MTMR2: variants seen among roughly 807,000 people sequenced by gnomAD.
MTMR2 encodes phosphatidylinositol-3,5-bisphosphate 3-phosphatase MTMR2.
MTMR2 carries 55 observed loss-of-function variants against 86.9 expected under a neutral mutation model. That is an observed-to-expected ratio of 0.63 (90% CI 0.51 to 0.79). The LOEUF (loss-of-function observed/expected upper bound fraction) is 0.79. Among genes scored for constraint, MTMR2 ranks in the 30% least tolerant of loss-of-function variants. The probability of loss-of-function intolerance (pLI) is 0.00; values close to 1 mark genes in which losing one functional copy is unlikely to be tolerated. For synonymous variants in MTMR2, 241 were observed against 266.8 expected, an observed-to-expected ratio of 0.90 and a Z score of 0.94; for missense variants, 659 against 772.3, an observed-to-expected ratio of 0.85 and a Z score of 1.74.
chr11:95,846,230 T>C (rs1029264123), intron 10 of MTMR2, among the ~76,000 whole-genome samples: 9 of 152,206 alleles, frequency 5.9e-5, no homozygotes, highest in Admixed American at 4.6e-4. Context: ...TTAGTTAAGA[T>C]TGATCAGGAA....
Position 95,849,838 on chromosome 11 carries a change from T to G in MTMR2, c.829A>C (p.Ser277Arg), listed in dbSNP as rs779257949. ...IPVLSWIHPE[S>R]QATITRCSQP... ...CTACACCGAGTGATTGTGGCTTGACTTTCAGGATGAATCCATGATAAAACC... is the reference window on the plus strand; with the variant it reads ...CTACACCGAGTGATTGTGGCTTGACGTTCAGGATGAATCCATGATAAAACC... Residue 277 changes from serine to arginine, a missense_variant, in exon 9 of 15, where the codon AGT (serine) becomes CGT (arginine). Physicochemically the swap from Ser to Arg is moderately radical, Grantham distance 110. Transcript: ENST00000346299. 1.9e-6 allele frequency: 3 copies of G among 1,614,132 alleles called. No individual in the cohort carries two copies. Among genetic ancestry groups the G allele is most frequent in the Admixed American group, 1.7e-5 (1 of 60,014 alleles).
chr11:95,835,369 ATC>A lies in MTMR2; in HGVS notation c.1851_1852del (p.Glu617AspfsTer3), dbSNP rs769866540. ...TGAGGATGAGGTTGATCGGTTAGAA[ATC>A]TCTCTCTGTAGTTCCTCTACTTTTT... On this transcript the variant is annotated frameshift_variant, in exon 15 of 15. Transcript: ENST00000346299. LOFTEE classifies it high-confidence loss of function. The A allele has an allele frequency of 2.5e-6, 4 of 1,613,012 alleles. No homozygotes were observed. The highest frequency in any genetic ancestry group is 2.2e-5 in the South Asian group (2 of 91,064).
chr11:95,902,775 T>C (rs914113520), intron 1 of MTMR2, among the ~76,000 whole-genome samples: 1 of 152,138 alleles, frequency 6.6e-6, no homozygotes, highest in African/African-American at 2.4e-5. Flanking sequence ...TTATTTTCTC[T>C]CCAATATTCC....
chr11:95,900,969 C>T (rs911962533), intron 1 of MTMR2, among the ~76,000 whole-genome samples: 2 of 152,146 alleles, frequency 1.3e-5, no homozygotes, highest in Non-Finnish European at 2.9e-5. Flanking sequence ...ATGCTATCAT[C>T]ACTACCTCCC....
intron 1 of MTMR2, among the ~76,000 whole-genome samples, chr11:95,912,312 T>C (rs905129453): frequency 6.6e-6 from 1 of 152,004 alleles, no homozygotes; most frequent in Non-Finnish European, 1.5e-5. Context: ...ACATAATAGA[T>C]AAGGTTCCTT....
chr11:95,854,746 G>A (rs986701803), intron 7 of MTMR2, among the ~76,000 whole-genome samples: 7 of 151,818 alleles, frequency 4.6e-5, no homozygotes, highest in Non-Finnish European at 5.9e-5. Context: ...GGTCACAGGT[G>A]TGAACCACTG....
intron 7 of MTMR2, among the ~76,000 whole-genome samples, chr11:95,851,895 TATC>T (rs986033934): frequency 1.5e-4 from 23 of 152,328 alleles, no homozygotes; most frequent in African/African-American, 4.8e-4. Flanking sequence ...TTAAAAAACA[TATC>T]AACTATTGAG....
At chr11:95,863,122 A>G (rs886405696) in intron 3 of MTMR2, among the ~76,000 whole-genome samples, 1 of 152,350 alleles carries the variant, frequency 6.6e-6, no homozygotes, top group African/African-American at 2.4e-5. Flanking sequence ...ATAATTTCCA[A>G]TACATGGTTT....
chr11:95,845,520 T>C (rs1863749402), intron 10 of MTMR2, among the ~76,000 whole-genome samples: 1 of 152,166 alleles, frequency 6.6e-6, no homozygotes, highest in Admixed American at 6.6e-5. Flanking sequence ...GATATAGCAA[T>C]TGAAGCCTTG....
intron 2 of MTMR2, among the ~76,000 whole-genome samples, chr11:95,885,073 T>C (rs1327655272): frequency 1.3e-5 from 2 of 152,076 alleles, no homozygotes; most frequent in Admixed American, 6.6e-5. Context: ...CTAATGGGGA[T>C]ACATTGAAAC....
chr11:95,892,694 A>G (rs935766899), intron 1 of MTMR2, among the ~76,000 whole-genome samples: 2 of 152,192 alleles, frequency 1.3e-5, no homozygotes, highest in African/African-American at 2.4e-5. Flanking sequence ...ACTCTGTCGC[A>G]TATGTTCATT....
At position 95,858,627 on chromosome 11, in the gene MTMR2, A is replaced by G; in HGVS notation, c.474T>C (p.Ile158=). The G allele has an allele frequency of 6.3e-7, 1 of 1,599,130 alleles. No individual in the cohort carries two copies. The highest frequency in any genetic ancestry group is 8.6e-7 in the Non-Finnish European group (1 of 1,166,814). The change falls in exon 6 of 15, where the codon ATT becomes ATC. Residue 158 remains isoleucine (I), a synonymous_variant. Coordinates refer to ENST00000346299, the MANE Select transcript of MTMR2 (RefSeq NM_016156.6). ...SYGLETVCKD[I]RNLRFAHKPE... is the part of the protein sequence containing the mutation. Reference sequence around the variant, plus strand: ...GTTTATGAGCAAATCGTAAATTCCTAATATCCTAGAAAAGATTTAGGAACC... The same window carrying G: ...GTTTATGAGCAAATCGTAAATTCCTGATATCCTAGAAAAGATTTAGGAACC...
intron 1 of MTMR2, among the ~76,000 whole-genome samples, chr11:95,914,516 A>G (rs1866629008): frequency 6.6e-6 from 1 of 152,154 alleles, no homozygotes; most frequent in Non-Finnish European, 1.5e-5. Context: ...CCTCTTAATC[A>G]TCAGGTAATG....
At chr11:95,885,671 T>A (rs933851022) in intron 2 of MTMR2, among the ~76,000 whole-genome samples, 2 of 152,052 alleles carry the variant, frequency 1.3e-5, no homozygotes, top group African/African-American at 2.4e-5. Flanking sequence ...CCATGCAGAA[T>A]TCAAAACATC....
At chr11:95,884,303 T>C (rs1180593755) in intron 2 of MTMR2, among the ~76,000 whole-genome samples, 1 of 152,214 alleles carries the variant, frequency 6.6e-6, no homozygotes, top group Non-Finnish European at 1.5e-5. Flanking sequence ...TAGCAAAGCA[T>C]TTCTCAAAGA....
intron 1 of MTMR2, among the ~76,000 whole-genome samples, chr11:95,889,212 C>A (rs373855823): frequency 3.1e-4 from 47 of 151,646 alleles, no homozygotes; most frequent in African/African-American, 1.1e-3. Flanking sequence ...CCGGTCACTG[C>A]AACCTCCGCC....
chr11:95,911,615 C>CA (rs1370840932), intron 1 of MTMR2, among the ~76,000 whole-genome samples: 1 of 152,148 alleles, frequency 6.6e-6, no homozygotes, highest in East Asian at 1.9e-4. Flanking sequence ...CAAATGAAAA[C>CA]ACACAGATTC....
At chr11:95,891,228 A>C (rs1865702729) in intron 1 of MTMR2, among the ~76,000 whole-genome samples, 1 of 152,172 alleles carries the variant, frequency 6.6e-6, no homozygotes, top group South Asian at 2.1e-4. Flanking sequence ...AGGAGGGTGG[A>C]TCACTTCAGC....
At chr11:95,886,297 T>C (rs1171794681) in intron 2 of MTMR2, among the ~76,000 whole-genome samples, 2 of 152,210 alleles carry the variant, frequency 1.3e-5, no homozygotes, top group East Asian at 1.9e-4. Context: ...AACTCTATTA[T>C]CTTTGCAATT....
Sources: allele counts gnomAD v4.1 joint callset (sites outside exome capture counted in the v4.1 genomes callset), GRCh38; gene constraint gnomAD v4.1.1; transcripts MANE v1.5; gene names NCBI Gene and HGNC (gene_info 2026-07-23, HGNC 2026-07-21).